CELF2: variants seen among roughly 807,000 people sequenced by gnomAD.
CELF2 encodes CUGBP Elav-like family member 2.
CELF2 carries 8 observed loss-of-function variants against 62.6 expected under a neutral mutation model. That is an observed-to-expected ratio of 0.13 (90% CI 0.07 to 0.23). The LOEUF (loss-of-function observed/expected upper bound fraction) is 0.23. CELF2 is among the 10% of genes least tolerant of loss of function. CELF2 has a pLI of 1.00. For missense variants in CELF2, 333 were observed against 671.0 expected (o/e 0.50, Z 5.56); for synonymous variants, 258 against 250.0 (o/e 1.03, Z -0.30).
the CELF2 span, among the ~76,000 whole-genome samples, chr10:10,641,252 T>G: frequency 6.6e-6 from 1 of 152,204 alleles, no homozygotes; most frequent in African/African-American, 2.4e-5. Context: ...CACTGCCTAA[T>G]GCAACCTTCA....
At chr10:10,813,448 G>C (rs546503439) in intron 1 of CELF2, among the ~76,000 whole-genome samples, 3 of 152,332 alleles carry the variant, frequency 2.0e-5, no homozygotes, top group Admixed American at 2.0e-4. Context: ...TTATACATTT[G>C]ATCATATTTC....
the CELF2 span, among the ~76,000 whole-genome samples, chr10:10,635,491 T>A: frequency 5.9e-5 from 9 of 152,200 alleles, no homozygotes; most frequent in South Asian, 2.1e-4. Flanking sequence ...TTTCATGTTT[T>A]ATGACTTTAA....
At chr10:11,047,504 A>G (rs923726548) in intron 1 of CELF2, among the ~76,000 whole-genome samples, 1 of 152,194 alleles carries the variant, frequency 6.6e-6, no homozygotes, top group Non-Finnish European at 1.5e-5. Flanking sequence ...TGACCATGGC[A>G]TCTTCTGATG....
At chr10:11,249,948 C>G (rs1160413405) in intron 4 of CELF2, among the ~76,000 whole-genome samples, 2 of 152,168 alleles carry the variant, frequency 1.3e-5, no homozygotes, top group East Asian at 3.8e-4. Context: ...GCTGCTCTGT[C>G]CCATAAGACT....
upstream of CELF2, chr10:10,796,985 C>T: frequency 1.6e-6 from 1 of 632,834 alleles, no homozygotes; most frequent in Non-Finnish European, 2.0e-6. Flanking sequence ...GGAAAGTATC[C>T]ATGACTGCTA....
intron 2 of CELF2, among the ~76,000 whole-genome samples, chr10:10,986,111 T>A (rs1362100066): frequency 6.6e-6 from 1 of 152,224 alleles, no homozygotes; most frequent in Non-Finnish European, 1.5e-5. Context: ...TTAGATTAAT[T>A]TCCAGTTTTG....
chr10:10,883,025 T>G (rs1424784680), intron 1 of CELF2, among the ~76,000 whole-genome samples: 2 of 152,226 alleles, frequency 1.3e-5, no homozygotes, highest in Non-Finnish European at 2.9e-5. Flanking sequence ...GTTCCACACT[T>G]ATTAATTAAG....
the CELF2 span, among the ~76,000 whole-genome samples, chr10:10,646,067 G>C: frequency 6.6e-6 from 1 of 152,146 alleles, no homozygotes; most frequent in Non-Finnish European, 1.5e-5. Context: ...TCTCCATTGA[G>C]GTTTTCAGAT....
chr10:11,029,474 G>A (rs766260953), intron 1 of CELF2, among the ~76,000 whole-genome samples: 10 of 152,204 alleles, frequency 6.6e-5, no homozygotes, highest in Non-Finnish European at 1.0e-4. Flanking sequence ...TATCCTCCAC[G>A]ACGGGCCAGG....
At position 11,270,137 on chromosome 10, in the gene CELF2, G is replaced by T. The variant is rs112840292; in HGVS notation, c.619-529G>T. ...AAATGAAGCCCTTTTCCCTATGATTGCTGGGCCGATAGGATTGTCACAATC... is the reference window on the plus strand; with the variant it reads ...AAATGAAGCCCTTTTCCCTATGATTTCTGGGCCGATAGGATTGTCACAATC... On this transcript the variant is annotated intron_variant, in intron 6 of 12. Coordinates refer to ENST00000633077, the MANE Select transcript of CELF2 (RefSeq NM_001326342.2). This position sits in a 1 kb window ranked among gnomAD's most constrained non-coding sequence, Gnocchi z 5.8. Among the ~76,000 whole-genome samples the T allele has an allele frequency of 2.4e-3, 372 of 152,302 alleles. No individual in the cohort carries two copies. Among genetic ancestry groups the T allele is most frequent in the Non-Finnish European group, 4.3e-3 (292 of 68,018 alleles).
At chr10:10,713,906 G>A in the CELF2 span, among the ~76,000 whole-genome samples, 43 of 152,180 alleles carry the variant, frequency 2.8e-4, no homozygotes, top group Middle Eastern at 6.8e-3. Flanking sequence ...GTGGCGGCAC[G>A]TGTCTGTAAT....
At chr10:10,829,454 T>C (rs2057672310) in intron 1 of CELF2, among the ~76,000 whole-genome samples, 1 of 152,228 alleles carries the variant, frequency 6.6e-6, no homozygotes, top group African/African-American at 2.4e-5. Context: ...ATCTATTATG[T>C]ATCTAGACTT....
At chr10:11,241,471 A>G (rs974319495) in intron 3 of CELF2, among the ~76,000 whole-genome samples, 24 of 152,290 alleles carry the variant, frequency 1.6e-4, no homozygotes, top group African/African-American at 5.3e-4. Context: ...AAGTGCTGGG[A>G]TTACAGGTGT....
chr10:10,519,028 T>G, the CELF2 span, among the ~76,000 whole-genome samples: 1 of 152,082 alleles, frequency 6.6e-6, no homozygotes, highest in East Asian at 1.9e-4. Context: ...AATCAAAAAA[T>G]AACATAGGAT....
At chr10:11,263,603 A>C (rs887527709) in intron 5 of CELF2, among the ~76,000 whole-genome samples, 2 of 152,038 alleles carry the variant, frequency 1.3e-5, no homozygotes, top group Admixed American at 6.5e-5. Flanking sequence ...CCAGAAGCTC[A>C]TTTTTAGTAG....
At chr10:11,108,178 G>A (rs770273359) in intron 1 of CELF2, among the ~76,000 whole-genome samples, 10 of 140,556 alleles carry the variant, frequency 7.1e-5, no homozygotes, top group Non-Finnish European at 1.5e-4. Context: ...ATGCAGGGAT[G>A]CTCTCATTTT....
At chr10:11,151,849 C>T (rs1564958805) in intron 1 of CELF2, among the ~76,000 whole-genome samples, 3 of 152,180 alleles carry the variant, frequency 2.0e-5, no homozygotes, top group Non-Finnish European at 4.4e-5. Context: ...TTCTTCTTTT[C>T]CCACTCTGCC....
At chr10:11,129,584 C>A (rs976221554) in intron 1 of CELF2, among the ~76,000 whole-genome samples, 2 of 152,178 alleles carry the variant, frequency 1.3e-5, no homozygotes, top group Non-Finnish European at 2.9e-5. Flanking sequence ...AGAGATTCAA[C>A]TTCTTCCTGG....
intron 1 of CELF2, among the ~76,000 whole-genome samples, chr10:10,851,512 G>A (rs528388871): frequency 6.0e-4 from 92 of 152,296 alleles, no homozygotes; most frequent in African/African-American, 2.1e-3. Context: ...CAGAGAAAAT[G>A]TTTGTGACCT....
Sources: gnomAD v4.1 joint callset for allele counts (sites outside exome capture counted in the v4.1 genomes callset) on GRCh38, gnomAD v4.1.1 for gene constraint, Gnocchi (gnomAD v3.1) non-coding constraint, MANE v1.5 for transcripts, NCBI Gene and HGNC (gene_info 2026-07-23, HGNC 2026-07-21) for gene names.